The following COPG2 variants were observed in gnomAD, a reference collection of about 807,000 sequenced individuals.
COPG2 encodes coat protein complex I subunit gamma 2.
A neutral mutation model predicts 46.3 loss-of-function variants in COPG2; 37 were observed. The observed-to-expected ratio is 0.80, with a 90% CI of 0.61 to 1.05. The LOEUF (loss-of-function observed/expected upper bound fraction) is 1.05, where lower values mean the gene tolerates loss of function less well. Among genes scored for constraint, COPG2 ranks in the 50% least tolerant of loss-of-function variants. COPG2 has a pLI of 0.00. For synonymous variants in COPG2, 159 were observed against 129.7 expected (o/e 1.23, Z -1.53); for missense variants, 427 against 387.8 (o/e 1.10, Z -0.85).
intron 9 of COPG2, among the ~76,000 whole-genome samples, chr7:130,587,175 C>T (rs979476431): frequency 4.0e-5 from 6 of 151,668 alleles, no homozygotes; most frequent in South Asian, 2.1e-4. Flanking sequence ...GGCATGGTGG[C>T]GCATGCCTGT....
intron 9 of COPG2, among the ~76,000 whole-genome samples, chr7:130,570,725 A>G (rs1554445430): frequency 6.6e-6 from 1 of 152,178 alleles, no homozygotes. Flanking sequence ...GAACCAAAAA[A>G]AGAGCCCACA....
intron 9 of COPG2, chr7:130,607,933 A>G (rs1263521117): frequency 2.2e-6 from 1 of 457,978 alleles, no homozygotes; most frequent in African/African-American, 2.0e-5. Flanking sequence ...CCACTCCCCA[A>G]TATTTTCATA....
intron 5 of COPG2, among the ~76,000 whole-genome samples, chr7:130,630,825 T>C (rs1165945608): frequency 6.6e-6 from 1 of 152,218 alleles, no homozygotes; most frequent in Non-Finnish European, 1.5e-5. Flanking sequence ...TCTATTTGTT[T>C]CTTTATATTT....
chr7:130,531,773 G>A (rs1799827788), intron 20 of COPG2, among the ~76,000 whole-genome samples: 1 of 150,404 alleles, frequency 6.6e-6, no homozygotes. Flanking sequence ...AGACTGAAGT[G>A]CAGGGAACCA....
intron 20 of COPG2, among the ~76,000 whole-genome samples, chr7:130,513,418 T>G: frequency 7.2e-6 from 1 of 139,174 alleles, no homozygotes; most frequent in Non-Finnish European, 1.5e-5. Context: ...TATACATATA[T>G]ATGTATGGGT....
chr7:130,532,245 A>C lies in COPG2; in HGVS notation c.2149+15429T>G, dbSNP rs1217462948. On this transcript the variant is annotated intron_variant, in intron 20 of 23. Coordinates refer to ENST00000425248, the MANE Select transcript of COPG2 (RefSeq NM_012133.6). Reference sequence around the variant, plus strand: ...AAAGGCAATGGGACCACGGTGGTGCAGCTGGGGTTTCCAACGCCTCGGTCC... The same window carrying C: ...AAAGGCAATGGGACCACGGTGGTGCCGCTGGGGTTTCCAACGCCTCGGTCC... Among the ~76,000 whole-genome samples the C allele has an allele frequency of 2.0e-5, 3 of 152,338 alleles. No individual in the cohort carries two copies. In the South Asian group the frequency reaches 6.2e-4, roughly 32 times the overall value.
chr7:130,648,134 CAG>C (rs1213118504), intron 5 of COPG2, among the ~76,000 whole-genome samples: 3 of 152,124 alleles, frequency 2.0e-5, no homozygotes, highest in African/African-American at 7.2e-5. Flanking sequence ...TATGTGCCTT[CAG>C]ATTTTTTTAA....
In COPG2 at chr7:130,581,533, A is replaced by C. The variant is rs1475302776; in HGVS notation, c.738-17140T>G. Among the ~76,000 whole-genome samples the C allele has an allele frequency of 1.9e-4, 28 of 143,962 alleles. 1 individual carries two copies. Among genetic ancestry groups the C allele is most frequent in the Non-Finnish European group, 1.2e-4 (8 of 65,412 alleles). 94.4% of individuals were successfully genotyped at this position (143,962 alleles called of 152,430 possible). ...AGGAGAAGGAAATAAAGGGTATTCA[A>C]TTAGGAAAAGAGGAAGTCAAATTGT... is the stretch of plus-strand genomic sequence containing the variant. On this transcript the variant is annotated intron_variant, in intron 9 of 23. Transcript: ENST00000425248.
chr7:130,590,261 C>A (rs890821266), intron 9 of COPG2, among the ~76,000 whole-genome samples: 1 of 151,912 alleles, frequency 6.6e-6, no homozygotes, highest in African/African-American at 2.4e-5. Flanking sequence ...CCTCTCCCCA[C>A]GGTCTCCCTC....
At chr7:130,565,431 C>G (rs1793787063) in intron 9 of COPG2, among the ~76,000 whole-genome samples, 1 of 152,126 alleles carries the variant, frequency 6.6e-6, no homozygotes, top group Admixed American at 6.5e-5. Flanking sequence ...ACAAAAACAA[C>G]AAACCCCAGG....
chr7:130,598,998 A>C (rs548253695), intron 9 of COPG2, among the ~76,000 whole-genome samples: 1 of 152,306 alleles, frequency 6.6e-6, no homozygotes, highest in South Asian at 2.1e-4. Context: ...AAGGATTCCA[A>C]GCAATCCCTG....
chr7:130,626,471 G>C (rs1372221210), intron 5 of COPG2, among the ~76,000 whole-genome samples: 1 of 144,188 alleles, frequency 6.9e-6, no homozygotes, highest in East Asian at 2.1e-4. Context: ...GGCTGGTCTC[G>C]AACACCTGAC....
intron 9 of COPG2, among the ~76,000 whole-genome samples, chr7:130,575,204 C>T (rs1260699542): frequency 6.6e-6 from 1 of 152,148 alleles, no homozygotes; most frequent in Non-Finnish European, 1.5e-5. Flanking sequence ...GCACAAAGAA[C>T]ACCTGGGAAA....
chr7:130,643,163 C>T (rs202126783), intron 5 of COPG2, among the ~76,000 whole-genome samples: 15 of 151,756 alleles, frequency 9.9e-5, no homozygotes, highest in Non-Finnish European at 1.9e-4. Flanking sequence ...GGCGTGGTGG[C>T]GGGCACCTGT....
chr7:130,562,710 T>C (rs1793738070), intron 11 of COPG2, among the ~76,000 whole-genome samples: 1 of 152,204 alleles, frequency 6.6e-6, no homozygotes, highest in Admixed American at 6.5e-5. Flanking sequence ...ATCTATTACA[T>C]GTTGAGATGA....
chr7:130,615,886 T>C (rs1466840034), intron 6 of COPG2, among the ~76,000 whole-genome samples: 4 of 152,226 alleles, frequency 2.6e-5, no homozygotes, highest in African/African-American at 9.6e-5. Context: ...GACTGTACTG[T>C]GGTGAGGAGG....
chr7:130,588,728 A>G (rs1279644779), intron 9 of COPG2, among the ~76,000 whole-genome samples: 1 of 152,126 alleles, frequency 6.6e-6, no homozygotes, highest in Non-Finnish European at 1.5e-5. Context: ...GCACACCAGC[A>G]TGGCACATGT....
intron 5 of COPG2, among the ~76,000 whole-genome samples, 168 bp downstream of exon 5, chr7:130,652,701 A>G (rs1554459276): frequency 1.3e-5 from 2 of 152,198 alleles, no homozygotes; most frequent in East Asian, 1.9e-4. Flanking sequence ...GCTTTATCAG[A>G]TAAGGATGGC....
chr7:130,575,993 A>G (rs1793992932), intron 9 of COPG2, among the ~76,000 whole-genome samples: 3 of 152,342 alleles, frequency 2.0e-5, no homozygotes, highest in Admixed American at 6.5e-5. Flanking sequence ...GATAATGGTA[A>G]AAGCCCTTGT....
Sources: allele counts gnomAD v4.1 joint callset (sites outside exome capture counted in the v4.1 genomes callset), GRCh38; gene constraint gnomAD v4.1.1; transcripts MANE v1.5; gene names NCBI Gene and HGNC (gene_info 2026-07-23, HGNC 2026-07-21).